The following ERMAP variants were observed in gnomAD, a reference collection of about 807,000 sequenced individuals.
The protein encoded by ERMAP is erythroid membrane-associated protein.
Under a neutral mutation model 49.5 loss-of-function variants are expected in ERMAP, and 34 were observed. The observed-to-expected ratio is 0.69, with a 90% CI of 0.52 to 0.91. The LOEUF (loss-of-function observed/expected upper bound fraction) is 0.91, where lower values mean the gene tolerates loss of function less well. Among genes scored for constraint, ERMAP ranks in the 40% least tolerant of loss-of-function variants. The pLI, the probability that ERMAP is intolerant of heterozygous loss-of-function variation, is 0.00. For missense variants in ERMAP, 541 were observed against 582.6 expected, an observed-to-expected ratio of 0.93 and a Z score of 0.74; for synonymous variants, 214 against 232.2, an observed-to-expected ratio of 0.92 and a Z score of 0.71.
intron 1 of ERMAP, 26 bp downstream of exon 1, chr1:42,817,279 T>C (rs1227636493): frequency 4.1e-6 from 5 of 1,228,964 alleles, no homozygotes; most frequent in Middle Eastern, 2.2e-4. Context: ...CCCCGACCAC[T>C]GGACCCAGCG....
At chr1:42,832,460 C>G (rs34496324) in intron 4 of ERMAP, among the ~76,000 whole-genome samples, 5,079 of 151,990 alleles carry the variant, frequency 0.033, 249 homozygotes, top group African/African-American at 0.11. Context: ...CTCCGCCTCC[C>G]AGGTTCAAGT....
At chr1:42,823,367 C>CA (rs1654451333) in intron 1 of ERMAP, among the ~76,000 whole-genome samples, 1 of 152,056 alleles carries the variant, frequency 6.6e-6, no homozygotes, top group South Asian at 2.1e-4. Flanking sequence ...TATACAACAT[C>CA]AAAAAATCAC....
chr1:42,826,483 A>C (rs937545949), intron 2 of ERMAP, among the ~76,000 whole-genome samples: 2 of 152,112 alleles, frequency 1.3e-5, no homozygotes, highest in Non-Finnish European at 2.9e-5. Flanking sequence ...CTGGAGGGCA[A>C]TTTGTCAGTG....
chr1:42,835,719 C>G lies in ERMAP; in HGVS notation c.551-13C>G. On this transcript the variant is annotated splice_polypyrimidine_tract_variant and intron_variant, in intron 5 of 11. Transcript: ENST00000372517. ...CTTCCTAAGCTGAGCTGGCATTTCT[C>G]TCTCCCTTTTAGAAAAGCTTCTCTA... The G allele has an allele frequency of 6.2e-7, 1 of 1,611,700 alleles. No homozygotes were observed. The highest frequency in any genetic ancestry group is 2.2e-5 in the East Asian group (1 of 44,752).
chr1:42,824,161 G>A (rs954930257), intron 1 of ERMAP, among the ~76,000 whole-genome samples: 80 of 151,686 alleles, frequency 5.3e-4, no homozygotes, highest in Non-Finnish European at 1.5e-4. Context: ...TGGCTAACAC[G>A]GTGAAACCCC....
chr1:42,842,600 C>A lies in ERMAP; in HGVS notation c.796C>A (p.Arg266=). ...AAGATGTGTAAGGCTTGGAGACAGA[C>A]GGCAGCCTGTACCTGACAACCCCCA... ...DQRCVRLGDR[R]QPVPDNPQRF... is the part of the protein sequence containing the mutation. The change falls in exon 12 of 12, where the codon CGG becomes AGG. Residue 266 remains arginine (R), a synonymous_variant. Transcript: ENST00000372517. 1 of 1,614,194 alleles carries A rather than the reference C, an allele frequency of 6.2e-7. No homozygotes were observed. The highest frequency in any genetic ancestry group is 8.5e-7 in the Non-Finnish European group (1 of 1,180,038).
chr1:42,831,806 C>T (rs1227648798), intron 4 of ERMAP, among the ~76,000 whole-genome samples: 2 of 151,598 alleles, frequency 1.3e-5, no homozygotes, highest in Non-Finnish European at 2.9e-5. Flanking sequence ...GACTGGTTTC[C>T]AATCCAGCAA....
chr1:42,823,718 G>A (rs1332814923), intron 1 of ERMAP, among the ~76,000 whole-genome samples: 3 of 152,174 alleles, frequency 2.0e-5, no homozygotes, highest in African/African-American at 7.2e-5. Flanking sequence ...TTGATATGCA[G>A]CGTAACTGTT....
chr1:42,829,070 C>T (rs6703396), intron 2 of ERMAP, among the ~76,000 whole-genome samples: 2 of 152,124 alleles, frequency 1.3e-5, no homozygotes, highest in Non-Finnish European at 2.9e-5. Flanking sequence ...CTTCTCTTGT[C>T]CAGTTTTTGA....
At chr1:42,821,544 A>C (rs1471775485) in intron 1 of ERMAP, among the ~76,000 whole-genome samples, 2 of 152,256 alleles carry the variant, frequency 1.3e-5, no homozygotes, top group African/African-American at 4.8e-5. Flanking sequence ...AATATTAATT[A>C]TGACAAGTTA....
chr1:42,818,972 G>A (rs185876969), intron 1 of ERMAP, among the ~76,000 whole-genome samples: 209 of 152,212 alleles, frequency 1.4e-3, no homozygotes, highest in African/African-American at 4.2e-3. Context: ...GTTCATATAA[G>A]CTATGAACTA....
In ERMAP at chr1:42,840,099, G is replaced by A. The variant is rs769971531; in HGVS notation, c.658+46G>A. On this transcript the variant is annotated intron_variant, in intron 9 of 11. Coordinates refer to ENST00000372517, the MANE Select transcript of ERMAP (RefSeq NM_001017922.2). The stretch of plus-strand genomic sequence containing the variant: ...TAACTTCCGTACCAACTTATCTCCT[G>A]TTGCCCTAATATTTGCAGTGATAGC... The A allele has an allele frequency of 6.8e-6, 11 of 1,614,152 alleles. No homozygotes were observed. In the African/African-American group the frequency reaches 1.5e-4, roughly 22 times the overall value.
rs1655132371 is a variant in ERMAP, at chr1:42,843,652, C to G, written c.*420C>G. 2 of 187,450 alleles carry G rather than the reference C, an allele frequency of 1.1e-5. No individual in the cohort carries two copies. The highest frequency in any genetic ancestry group is 6.1e-5 in the Admixed American group (1 of 16,348). The allele number at this position is 187,450 out of a possible 1,614,324, so 11.6% of individuals were successfully genotyped here. A position where few individuals can be genotyped will look rare whatever the true frequency, so the allele number is the denominator to read the frequency against. Reference sequence around the variant, plus strand: ...TTCTTACTTATCCCATTGAGGACTGCCTTTCTCTCTCTCAGTTCTGGCCTC... The same window carrying G: ...TTCTTACTTATCCCATTGAGGACTGGCTTTCTCTCTCTCAGTTCTGGCCTC... On this transcript the variant is annotated 3_prime_UTR_variant, in exon 12 of 12. Coordinates refer to ENST00000372517, the MANE Select transcript of ERMAP (RefSeq NM_001017922.2).
intron 7 of ERMAP, 33 bp from the exon 8 acceptor site, chr1:42,838,868 T>C (rs1470719476): frequency 2.5e-6 from 4 of 1,613,780 alleles, no homozygotes; most frequent in Non-Finnish European, 3.4e-6. Flanking sequence ...CAGGATCTGA[T>C]CACTCACTCT....
At chr1:42,825,037 G>A (rs1404108588) in intron 1 of ERMAP, among the ~76,000 whole-genome samples, 1 of 152,150 alleles carries the variant, frequency 6.6e-6, no homozygotes, top group Non-Finnish European at 1.5e-5. Flanking sequence ...GAATAATTGG[G>A]AATTATGTAC....
chr1:42,835,983 C>T (rs1654884574), intron 6 of ERMAP, among the ~76,000 whole-genome samples: 1 of 152,122 alleles, frequency 6.6e-6, no homozygotes, highest in Admixed American at 6.5e-5. Context: ...CCTGTGAGCT[C>T]ATTGCTTGAT....
rs1295004503 is a variant in ERMAP at position 42,835,726 on chromosome 1, T to C, written c.551-6T>C. The C allele has an allele frequency of 1.2e-6, 2 of 1,611,068 alleles. No individual in the cohort carries two copies. The highest frequency in any genetic ancestry group is 1.7e-5 in the Admixed American group (1 of 59,708). ...AGCTGAGCTGGCATTTCTCTCTCCC[T>C]TTTAGAAAAGCTTCTCTATGAACAT... is the stretch of plus-strand genomic sequence containing the variant. On this transcript the variant is annotated splice_region_variant and splice_polypyrimidine_tract_variant and intron_variant, in intron 5 of 11. Coordinates refer to ENST00000372517, the MANE Select transcript of ERMAP (RefSeq NM_001017922.2).
intron 1 of ERMAP, among the ~76,000 whole-genome samples, chr1:42,824,969 G>A (rs1018026519): frequency 1.1e-4 from 16 of 152,182 alleles, no homozygotes; most frequent in Non-Finnish European, 2.4e-4. Flanking sequence ...GAGGGGACAT[G>A]GTGTGGGCCA....
chr1:42,842,591 G>C lies in ERMAP; in HGVS notation c.787G>C (p.Gly263Arg). 6.2e-7 allele frequency: 1 copy of C among 1,614,198 alleles called. No homozygotes were observed. Among genetic ancestry groups the C allele is most frequent in the Non-Finnish European group, 8.5e-7 (1 of 1,180,038 alleles). ...TGAGGACCAAAGATGTGTAAGGCTTGGAGACAGACGGCAGCCTGTACCTGA... is the reference window on the plus strand; with the variant it reads ...TGAGGACCAAAGATGTGTAAGGCTTCGAGACAGACGGCAGCCTGTACCTGA... ...LSEDQRCVRLGDRRQPVPDNP... is the reference protein window; with the variant it reads ...LSEDQRCVRLRDRRQPVPDNP... Residue 263 changes from glycine (G) to arginine (R), a missense_variant, in exon 12 of 12, where the codon GGA (glycine) becomes CGA (arginine). Physicochemically the swap from Gly to Arg is moderately radical, Grantham distance 125. Transcript: ENST00000372517.
Sources: allele counts gnomAD v4.1 joint callset (sites outside exome capture counted in the v4.1 genomes callset), GRCh38; gene constraint gnomAD v4.1.1; transcripts MANE v1.5; gene names NCBI Gene and HGNC (gene_info 2026-07-23, HGNC 2026-07-21).